HEXB: variants seen among roughly 807,000 people sequenced by gnomAD.
The protein encoded by HEXB is hexosaminidase subunit beta.
A neutral mutation model predicts 71.2 loss-of-function variants in HEXB; 51 were observed. The ratio of observed to expected loss-of-function variants is 0.72; its 90% CI spans 0.57 to 0.90. The LOEUF (loss-of-function observed/expected upper bound fraction) is 0.90, where lower values mean the gene tolerates loss of function less well. HEXB is among the 40% of genes least tolerant of loss of function. The pLI, the probability that HEXB is intolerant of heterozygous loss-of-function variation, is 0.00. For missense variants in HEXB, 617 were observed against 677.0 expected, an observed-to-expected ratio of 0.91 and a Z score of 0.98; for synonymous variants, 266 against 249.3, an observed-to-expected ratio of 1.07 and a Z score of -0.63.
upstream of HEXB, among the ~76,000 whole-genome samples, chr5:74,684,055 G>A (rs113046241): frequency 5.7e-4 from 86 of 152,180 alleles, no homozygotes; most frequent in African/African-American, 1.5e-3. Flanking sequence ...TCCTGAACTT[G>A]TGATCCGCCC....
rs528294271 is a variant in HEXB at position 74,720,351 on chromosome 5, G to T, written c.1418-77G>T. 6 of 1,096,964 alleles carry T rather than the reference G, an allele frequency of 5.5e-6. No individual in the cohort carries two copies. The African/African-American group carries it at 9.2e-5, about 17-fold the overall frequency. The allele number at this position is 1,096,964 out of a possible 1,614,324, so 68.0% of individuals were successfully genotyped here. ...ATGTTGCCCTAGGATAAAGATGGAG[G>T]AAACAAATCTTGATGAAATATTGCC... is the stretch of plus-strand genomic sequence containing the variant. On this transcript the variant is annotated intron_variant, in intron 11 of 13. Transcript: ENST00000261416.
chr5:74,656,658 G>A (rs1748226414), intron 1 of HEXB, among the ~76,000 whole-genome samples: 1 of 152,178 alleles, frequency 6.6e-6, no homozygotes, highest in Non-Finnish European at 1.5e-5. Flanking sequence ...AGGCTGTAGT[G>A]CAGTGGCATG....
At chr5:74,705,508 G>A (rs746164337) in intron 6 of HEXB, 188 bp downstream of exon 6, 25 of 582,972 alleles carry the variant, frequency 4.3e-5, no homozygotes, top group East Asian at 8.9e-5. Context: ...TTGTTATAAC[G>A]GTTACTGTAA....
rs1189213216 is a variant in HEXB at position 74,650,726 on chromosome 5, C to G, written c.-377+10168C>G. 2.0e-5 allele frequency among the ~76,000 whole-genome samples: 3 copies of G among 151,876 alleles called. No homozygotes were observed. The South Asian group carries it at 6.3e-4, about 32-fold the overall frequency. ...CACGGGGTCAGGAGATCGAGACCAT[C>G]CGGGCTAACACGGTGAAGTCCCATC... On this transcript the variant is annotated intron_variant, in intron 1 of 13. Coordinates refer to the HEXB transcript ENST00000511181.
At chr5:74,706,625 C>G (rs1027393704) in intron 6 of HEXB, among the ~76,000 whole-genome samples, 1 of 152,170 alleles carries the variant, frequency 6.6e-6, no homozygotes, top group Non-Finnish European at 1.5e-5. Flanking sequence ...GCTTAGGAAA[C>G]GGCACACCAG....
rs77869459 is a variant in HEXB, at chr5:74,720,165, C to T, written c.1418-263C>T. On this transcript the variant is annotated intron_variant, in intron 11 of 13. Transcript: ENST00000261416. Reference sequence around the variant, plus strand: ...AATAAAACTGTTTAATACTGGCCCACTACATTAATCTATGGTGCTAACACG... The same window carrying T: ...AATAAAACTGTTTAATACTGGCCCATTACATTAATCTATGGTGCTAACACG... The T allele has an allele frequency of 1.2e-4, 58 of 486,058 alleles. 1 individual carries two copies. The East Asian group carries it at 2.2e-3, about 19-fold the overall frequency. 30.1% of individuals were successfully genotyped at this position (486,058 alleles called of 1,614,324 possible).
At chr5:74,680,019 A>C (rs995628763) in intron 1 of HEXB, among the ~76,000 whole-genome samples, 3 of 152,186 alleles carry the variant, frequency 2.0e-5, no homozygotes, top group African/African-American at 7.2e-5. Flanking sequence ...CTCAAACAAT[A>C]GAGCGTATCT....
intron 1 of HEXB, among the ~76,000 whole-genome samples, chr5:74,668,021 A>C (rs1378416775): frequency 6.6e-6 from 1 of 152,178 alleles, no homozygotes; most frequent in Non-Finnish European, 1.5e-5. Flanking sequence ...GGGGACAGAC[A>C]ACCTGTCCTA....
chr5:74,660,962 A>C (rs16872160), intron 1 of HEXB, among the ~76,000 whole-genome samples: 37,298 of 152,130 alleles, frequency 0.25, 4,890 homozygotes, highest in Admixed American at 0.36. Context: ...CGGGCATAAC[A>C]GCATCTCACT....
chr5:74,715,246 C>T (rs1339947637), intron 7 of HEXB, among the ~76,000 whole-genome samples: 2 of 152,064 alleles, frequency 1.3e-5, no homozygotes, highest in South Asian at 2.1e-4. Context: ...CAAGAAAAAG[C>T]GTTGAGGCAA....
At position 74,652,323 on chromosome 5, in the gene HEXB, C is replaced by T. The variant is rs557315146; in HGVS notation, c.-377+11765C>T. Among the ~76,000 whole-genome samples the T allele has an allele frequency of 8.5e-5, 13 of 152,276 alleles. No homozygotes were observed. Among genetic ancestry groups the T allele is most frequent in the African/African-American group, 1.4e-4 (6 of 41,568 alleles). On this transcript the variant is annotated intron_variant, in intron 1 of 13. Coordinates refer to the HEXB transcript ENST00000511181. This position sits in a 1 kb window ranked among gnomAD's most constrained non-coding sequence, Gnocchi z 5.4. Reference sequence around the variant, plus strand: ...ATTAAATGGCAGAATCCAGACCCCTCGCTTTCTTTTTCAGAGCTGTGCTCT... The same window carrying T: ...ATTAAATGGCAGAATCCAGACCCCTTGCTTTCTTTTTCAGAGCTGTGCTCT...
intron 11 of HEXB, 198 bp from the exon 12 acceptor site, chr5:74,720,230 A>T: frequency 3.3e-6 from 2 of 604,182 alleles, no homozygotes; most frequent in Non-Finnish European, 5.9e-6. Flanking sequence ...TAAAGTTTGC[A>T]ACCATTTTTT....
intron 5 of HEXB, 120 bp from the exon 6 acceptor site, chr5:74,705,099 A>G: frequency 1.5e-6 from 1 of 663,018 alleles, no homozygotes; most frequent in African/African-American, 1.9e-5. Context: ...CTCAAAAAAA[A>G]AAAAAAAAAA....
intron 1 of HEXB, among the ~76,000 whole-genome samples, chr5:74,660,068 G>T (rs2314755): frequency 0.27 from 40,499 of 151,548 alleles, 5,787 homozygotes; most frequent in Admixed American, 0.37. Context: ...CCTAATCTTT[G>T]TAAAAAAAAT....
At chr5:74,662,731 A>G (rs1168344097) in intron 1 of HEXB, among the ~76,000 whole-genome samples, 1 of 152,204 alleles carries the variant, frequency 6.6e-6, no homozygotes, top group Non-Finnish European at 1.5e-5. Flanking sequence ...ATATTTTATT[A>G]TTATATTAAT....
intron 1 of HEXB, among the ~76,000 whole-genome samples, chr5:74,666,708 T>C (rs746692047): frequency 6.6e-6 from 1 of 152,142 alleles, no homozygotes; most frequent in Non-Finnish European, 1.5e-5. Flanking sequence ...CTCACCATGG[T>C]CAATTCTCTC....
At chr5:74,713,448 A>T in intron 6 of HEXB, 58 bp from the exon 7 acceptor site, 1 of 1,563,164 alleles carries the variant, frequency 6.4e-7, no homozygotes, top group South Asian at 1.1e-5. Flanking sequence ...ATTGTTAACA[A>T]TTTCCAGGAT....
intron 2 of HEXB, among the ~76,000 whole-genome samples, chr5:74,690,038 A>G (rs1016980795): frequency 6.6e-6 from 1 of 152,132 alleles, no homozygotes; most frequent in Admixed American, 6.5e-5. Flanking sequence ...ATCTGTATCC[A>G]TGATCTCTAT....
At chr5:74,645,355 T>C (rs1342168052) in intron 1 of HEXB, among the ~76,000 whole-genome samples, 1 of 152,150 alleles carries the variant, frequency 6.6e-6, no homozygotes. Flanking sequence ...GCGGGTGCCA[T>C]GGTACCTGGC....
Sources: gnomAD v4.1 joint callset for allele counts (sites outside exome capture counted in the v4.1 genomes callset) on GRCh38, gnomAD v4.1.1 for gene constraint, Gnocchi (gnomAD v3.1) non-coding constraint, MANE v1.5 for transcripts, NCBI Gene and HGNC (gene_info 2026-07-23, HGNC 2026-07-21) for gene names.